The following POLD1 variants were observed in gnomAD, a reference collection of about 807,000 sequenced individuals.
POLD1 encodes DNA polymerase delta 1, catalytic subunit, also known as DNA polymerase delta catalytic subunit.
A neutral mutation model predicts 129.7 loss-of-function variants in POLD1; 79 were observed. That is an observed-to-expected ratio of 0.61 (90% CI 0.51 to 0.73). POLD1 has a LOEUF of 0.73. Ranked by LOEUF, POLD1 falls within the 30% of genes least tolerant of loss-of-function variation. The pLI, the probability that POLD1 is intolerant of heterozygous loss-of-function variation, is 0.00. For missense variants in POLD1, 1,338 were observed against 1,595.8 expected, an observed-to-expected ratio of 0.84 and a Z score of 2.75; for synonymous variants, 714 against 683.3, an observed-to-expected ratio of 1.04 and a Z score of -0.70.
chr19:50,410,957 C>CAT (rs2039067536), intron 17 of POLD1: 1 of 124,250 alleles, frequency 8.0e-6, no homozygotes, highest in African/African-American at 3.5e-5. Flanking sequence ...ACACAAACAC[C>CAT]TTTTTTTTTT....
At chr19:50,390,235 C>CTT (rs113095533) in intron 1 of POLD1, among the ~76,000 whole-genome samples, 1 of 142,800 alleles carries the variant, frequency 7.0e-6, no homozygotes, top group African/African-American at 2.6e-5. Context: ...CTTTTCTTTT[C>CTT]TTTTTTTTTT....
rs2038865709 is a variant in POLD1, at chr19:50,406,092, A to G, written c.1243-90A>G. ...GCTCTCGACCCCCTAGGGTTGTTAT[A>G]AGGATGTTGTGGTTGGTCTCAATCT... On this transcript the variant is annotated intron_variant, in intron 10 of 26. Transcript: ENST00000440232. The surrounding 1 kb of genome is among the most constrained non-coding windows in gnomAD (Gnocchi z 5.5). The G allele has an allele frequency of 2.7e-6, 4 of 1,491,464 alleles. No individual in the cohort carries two copies. The East Asian group carries it at 9.1e-5, about 34-fold the overall frequency. 92.4% of individuals were successfully genotyped at this position (1,491,464 alleles called of 1,614,324 possible).
At position 50,414,855 on chromosome 19, in the gene POLD1, C is replaced by T. The variant is rs765981178; in HGVS notation, c.2429C>T (p.Ala810Val). Residue 810 changes from alanine (A) to valine (V), a missense_variant, in exon 20 of 27, where the codon GCG (alanine) becomes GTG (valine). Ala to Val is a moderately conservative substitution (Grantham distance 64). Around this residue, in one of 3 missense-constraint regions of POLD1, gnomAD observed 720 missense variants for 1,002.6 expected, o/e 0.72. Transcript: ENST00000440232. ...CTGCTTATCAGCAAGAAGCGCTACGCGGGCCTGCTCTTCTCCTCCCGGCCC... is the reference window on the plus strand; with the variant it reads ...CTGCTTATCAGCAAGAAGCGCTACGTGGGCCTGCTCTTCTCCTCCCGGCCC... ...PYLLISKKRY[A>V]GLLFSSRPDA... is the part of the protein sequence containing the mutation. The T allele has an allele frequency of 1.3e-4, 210 of 1,598,444 alleles. No individual in the cohort carries two copies. The highest frequency in any genetic ancestry group is 1.8e-4 in the Non-Finnish European group (207 of 1,170,226).
At chr19:50,408,513 T>G (rs2038979532) in intron 14 of POLD1, among the ~76,000 whole-genome samples, 1 of 152,040 alleles carries the variant, frequency 6.6e-6, no homozygotes, top group South Asian at 2.1e-4. Context: ...CCTGAGTAGC[T>G]GGGACCACAG....
intron 20 of POLD1, 62 bp from the exon 21 acceptor site, chr19:50,415,376 T>A: frequency 6.5e-7 from 1 of 1,529,966 alleles, no homozygotes; most frequent in Non-Finnish European, 9.0e-7. Flanking sequence ...CTGAGACCCG[T>A]GGAGGCACCA....
At chr19:50,388,319 G>T (rs1042470359) in intron 1 of POLD1, among the ~76,000 whole-genome samples, 1 of 152,214 alleles carries the variant, frequency 6.6e-6, no homozygotes, top group Non-Finnish European at 1.5e-5. Flanking sequence ...GAATTGTATA[G>T]TATGTGAATT....
At chr19:50,398,760 C>T (rs1440677889) in intron 1 of POLD1, 91 bp from the exon 2 acceptor site, 42 of 1,526,112 alleles carry the variant, frequency 2.8e-5, no homozygotes, top group Non-Finnish European at 3.5e-5. Context: ...GGAAAAGGCT[C>T]GTGGTCATGG....
chr19:50,414,748 G>A, intron 19 of POLD1, 67 bp from the exon 20 acceptor site: 1 of 1,301,816 alleles, frequency 7.7e-7, no homozygotes, highest in Non-Finnish European at 1.0e-6. Context: ...TTCAGTTTCT[G>A]GGGGGCGTCT....
At position 50,402,110 on chromosome 19, in the gene POLD1, T is replaced by A. The variant is rs772804822; in HGVS notation, c.575T>A (p.Leu192Gln). ...GGGCCGGCCGTGCTGGCTGTGGAAC[T>A]GTGCTCCCGAGAGAGTGAGTGCTCC... is the stretch of plus-strand genomic sequence containing the variant. Reference protein sequence around the residue: ...LTGPAVLAVELCSRESMFGYH... With the variant: ...LTGPAVLAVEQCSRESMFGYH... Residue 192 changes from leucine (L) to glutamine (Q), a missense_variant, in exon 5 of 27, where the codon CTG (leucine) becomes CAG (glutamine). This residue lies in a region of POLD1 where 332 missense variants were observed against 315.7 expected (regional missense o/e 1.05). Coordinates refer to ENST00000440232, the MANE Select transcript of POLD1 (RefSeq NM_002691.4). 1 of 1,612,772 alleles carries A rather than the reference T, an allele frequency of 6.2e-7. No individual in the cohort carries two copies. The highest frequency in any genetic ancestry group is 1.1e-5 in the South Asian group (1 of 90,916).
intron 3 of POLD1, among the ~76,000 whole-genome samples, chr19:50,399,921 T>G (rs941805494): frequency 6.6e-6 from 1 of 150,834 alleles, no homozygotes; most frequent in African/African-American, 2.4e-5. Context: ...TTCAAGTGAT[T>G]CTCCTGCCTC....
In POLD1 at chr19:50,401,536, C is replaced by T. The variant is rs150573870; in HGVS notation, c.317-242C>T. On this transcript the variant is annotated intron_variant, in intron 3 of 26. Transcript: ENST00000440232. Reference sequence around the variant, plus strand: ...AATCACAGGTGTGAGTCACTGTGCACGGCCAGTTGTTTTTATCTTGTAATA... The same window carrying T: ...AATCACAGGTGTGAGTCACTGTGCATGGCCAGTTGTTTTTATCTTGTAATA... Among the ~76,000 whole-genome samples, 70 of 150,924 alleles carry T rather than the reference C, an allele frequency of 4.6e-4. No individual in the cohort carries two copies. In the East Asian group the frequency reaches 9.4e-3, roughly 20 times the overall value.
intron 15 of POLD1, 74 bp downstream of exon 15, chr19:50,408,975 G>T (rs1454264863): frequency 1.4e-6 from 2 of 1,473,852 alleles, no homozygotes; most frequent in East Asian, 2.3e-5. Flanking sequence ...GTCTGGTGGG[G>T]GGCATAGGCA....
rs768990776 is a variant in POLD1, at chr19:50,415,558, C to G, written c.2685C>G (p.Ala895=). The change falls in exon 21 of 27, where the codon GCC becomes GCG. Residue 895 remains alanine, a synonymous_variant. Transcript: ENST00000440232. ...TGACCCGCGCGGCCTCCGACTATGC[C>G]GGCAAGCAGGCCCACGTGGAGCTGG... ...KELTRAASDY[A]GKQAHVELAE... 6.2e-7 allele frequency: 1 copy of G among 1,612,458 alleles called. No individual in the cohort carries two copies. The highest frequency in any genetic ancestry group is 8.5e-7 in the Non-Finnish European group (1 of 1,179,426).
intron 1 of POLD1, among the ~76,000 whole-genome samples, chr19:50,393,498 C>A (rs527704559): frequency 6.6e-6 from 1 of 151,976 alleles, no homozygotes; most frequent in Admixed American, 6.6e-5. Flanking sequence ...TGGCAAAACC[C>A]GTCTTTACCA....
At chr19:50,394,760 C>T (rs3219341) in intron 1 of POLD1, among the ~76,000 whole-genome samples, 16,942 of 152,174 alleles carry the variant, frequency 0.11, 1,085 homozygotes, top group South Asian at 0.2. Flanking sequence ...TCTTCCCAGC[C>T]GCATCTAGGA....
At chr19:50,388,080 A>G (rs868740931) in intron 1 of POLD1, among the ~76,000 whole-genome samples, 10 of 152,266 alleles carry the variant, frequency 6.6e-5, no homozygotes, top group Admixed American at 1.3e-4. Flanking sequence ...AAGAGGCTGC[A>G]TATTCCAAGA....
At position 50,415,713 on chromosome 19, in the gene POLD1, TCTC is replaced by T; in HGVS notation, c.2718-9_2718-7del. 1 of 1,030,116 alleles carries T rather than the reference TCTC, an allele frequency of 9.7e-7. No individual in the cohort carries two copies. 63.8% of individuals were successfully genotyped at this position (1,030,116 alleles called of 1,614,324 possible). On this transcript the variant is annotated splice_region_variant and splice_polypyrimidine_tract_variant and intron_variant, in intron 21 of 26. Transcript: ENST00000440232. ...CTGCCCTCACCCACCCGCCACCCCATCTCCACGCAGGATGAGGAAGCGGGACCC... is the reference window on the plus strand; with the variant it reads ...CTGCCCTCACCCACCCGCCACCCCATCACGCAGGATGAGGAAGCGGGACCC...
Position 50,399,483 on chromosome 19 carries a change from G to C in POLD1, c.315G>C (p.Val105=). Residue 105 remains valine, a splice_region_variant and synonymous_variant, in exon 3 of 27, where the codon GTG becomes GTC. Transcript: ENST00000440232. ...IFQQLEIDHY[V]GPAQPVPGGP... ...AACAGTTGGAGATTGACCATTATGTGGGTGAGTTTAGGGGTTATGGGTGAG... is the reference window on the plus strand; with the variant it reads ...AACAGTTGGAGATTGACCATTATGTCGGTGAGTTTAGGGGTTATGGGTGAG... The C allele has an allele frequency of 6.2e-7, 1 of 1,607,400 alleles. No individual in the cohort carries two copies. The highest frequency in any genetic ancestry group is 8.5e-7 in the Non-Finnish European group (1 of 1,173,854).
intron 1 of POLD1, among the ~76,000 whole-genome samples, chr19:50,390,883 G>A (rs961045390): frequency 6.6e-6 from 1 of 152,116 alleles, no homozygotes; most frequent in Non-Finnish European, 1.5e-5. Context: ...CAGAGAGCAC[G>A]GGGTTGGGGG....
Sources: allele counts gnomAD v4.1 joint callset (sites outside exome capture counted in the v4.1 genomes callset), GRCh38; gene constraint gnomAD v4.1.1; regional missense constraint gnomAD v4.1.1; non-coding constraint Gnocchi (gnomAD v3.1); transcripts MANE v1.5; gene names NCBI Gene and HGNC (gene_info 2026-07-23, HGNC 2026-07-21).